The following ARHGAP15 variants were observed in gnomAD, a reference collection of about 807,000 sequenced individuals.
ARHGAP15 encodes Rho GTPase activating protein 15, also known as rho GTPase-activating protein 15.
In ARHGAP15, 51 loss-of-function variants were observed where a neutral mutation model predicts 63.7. The observed-to-expected ratio is 0.80, with a 90% confidence interval of 0.64 to 1.01. The LOEUF (loss-of-function observed/expected upper bound fraction) is 1.01. Among genes scored for constraint, ARHGAP15 ranks in the 50% least tolerant of loss-of-function variants. The pLI is 0.00. For missense variants in ARHGAP15, 560 were observed against 564.6 expected (o/e 0.99, Z 0.08); for synonymous variants, 191 against 193.8 (o/e 0.99, Z 0.12).
At chr2:143,727,388 A>G (rs1327435622) in intron 13 of ARHGAP15, among the ~76,000 whole-genome samples, 1 of 152,210 alleles carries the variant, frequency 6.6e-6, no homozygotes, top group Non-Finnish European at 1.5e-5. Context: ...TCGGCCATAT[A>G]TCACCTATAT....
intron 11 of ARHGAP15, among the ~76,000 whole-genome samples, chr2:143,558,328 C>T (rs756082266): frequency 6.6e-6 from 1 of 152,052 alleles, no homozygotes; most frequent in Admixed American, 6.6e-5. Flanking sequence ...TGGTAGATTT[C>T]TTCTTTTTCT....
intron 6 of ARHGAP15, among the ~76,000 whole-genome samples, chr2:143,416,007 CT>C (rs767962931): frequency 3.3e-5 from 5 of 151,942 alleles, no homozygotes; most frequent in Non-Finnish European, 5.9e-5. Flanking sequence ...GCATAAAAGA[CT>C]ACAAATCAGG....
At chr2:143,757,426 G>A (rs909745844) in intron 13 of ARHGAP15, among the ~76,000 whole-genome samples, 1 of 152,052 alleles carries the variant, frequency 6.6e-6, no homozygotes, top group Non-Finnish European at 1.5e-5. Flanking sequence ...CATGAGAGTC[G>A]CTTCAACTTG....
intron 6 of ARHGAP15, among the ~76,000 whole-genome samples, chr2:143,432,132 TTCTTTA>T (rs1413847241): frequency 2.6e-5 from 4 of 152,126 alleles, no homozygotes; most frequent in South Asian, 2.1e-4. Flanking sequence ...ATAATTTTGA[TTCTTTA>T]TCTTTATTTT....
At chr2:143,265,629 A>G (rs1197355390) in intron 6 of ARHGAP15, among the ~76,000 whole-genome samples, 1 of 152,200 alleles carries the variant, frequency 6.6e-6, no homozygotes. Flanking sequence ...AACTACACAT[A>G]GAAAGTGTTA....
chr2:143,204,201 C>G (rs1005322339), intron 3 of ARHGAP15, among the ~76,000 whole-genome samples: 2 of 152,126 alleles, frequency 1.3e-5, no homozygotes, highest in Admixed American at 1.3e-4. Context: ...CCTGTTTACC[C>G]ACTTTCGCTT....
intron 6 of ARHGAP15, among the ~76,000 whole-genome samples, chr2:143,390,910 G>A (rs867528627): frequency 4.6e-5 from 7 of 152,184 alleles, no homozygotes; most frequent in South Asian, 2.1e-4. Context: ...TTTTAAAGCC[G>A]TATTGATTGT....
At chr2:143,472,793 T>A (rs1691638809) in intron 8 of ARHGAP15, among the ~76,000 whole-genome samples, 1 of 152,176 alleles carries the variant, frequency 6.6e-6, no homozygotes, top group African/African-American at 2.4e-5. Flanking sequence ...TAGTATTTAA[T>A]CCTTGCAACA....
At chr2:143,420,740 A>C (rs973846232) in intron 6 of ARHGAP15, among the ~76,000 whole-genome samples, 1 of 152,158 alleles carries the variant, frequency 6.6e-6, no homozygotes, top group Non-Finnish European at 1.5e-5. Context: ...GCATAAAGGC[A>C]TGTGTTGATG....
intron 8 of ARHGAP15, among the ~76,000 whole-genome samples, chr2:143,455,603 G>C (rs1690609985): frequency 6.6e-6 from 1 of 152,070 alleles, no homozygotes; most frequent in African/African-American, 2.4e-5. Context: ...TCTCTAACAA[G>C]TTGATTTAAT....
At chr2:143,734,483 C>T (rs1574908327) in intron 13 of ARHGAP15, among the ~76,000 whole-genome samples, 1 of 152,104 alleles carries the variant, frequency 6.6e-6, no homozygotes, top group Non-Finnish European at 1.5e-5. Flanking sequence ...CTCATAAATC[C>T]CCCTTTGTTC....
At chr2:143,239,102 G>A (rs943693600) in intron 5 of ARHGAP15, among the ~76,000 whole-genome samples, 1 of 152,070 alleles carries the variant, frequency 6.6e-6, no homozygotes, top group African/African-American at 2.4e-5. Flanking sequence ...TTGGTGATGG[G>A]ATGATCTGTG....
chr2:143,515,183 A>AT (rs1693756777), intron 9 of ARHGAP15, among the ~76,000 whole-genome samples: 1 of 127,310 alleles, frequency 7.9e-6, no homozygotes, highest in African/African-American at 2.9e-5. Context: ...TCCCCACTAT[A>AT]TTAACCCCCC....
chr2:143,547,987 C>T (rs955129361), intron 10 of ARHGAP15, among the ~76,000 whole-genome samples: 4 of 151,980 alleles, frequency 2.6e-5, no homozygotes, highest in African/African-American at 9.7e-5. Flanking sequence ...TGTAGAACCA[C>T]TAAGAAAACC....
intron 2 of ARHGAP15, among the ~76,000 whole-genome samples, chr2:143,189,502 CTTTTT>C (rs771848951): frequency 7.1e-6 from 1 of 140,286 alleles, no homozygotes; most frequent in Admixed American, 7.1e-5. Context: ...TTCTTTCTTT[CTTTTT>C]TTTTTTTTTG....
intron 6 of ARHGAP15, 109 bp downstream of exon 6, chr2:143,250,709 C>G: frequency 1.2e-6 from 1 of 844,298 alleles, no homozygotes; most frequent in South Asian, 1.8e-5. Context: ...TACATGAACT[C>G]GTTGTCTGAA....
chr2:143,232,925 G>C (rs1693503896), intron 5 of ARHGAP15, among the ~76,000 whole-genome samples: 1 of 151,642 alleles, frequency 6.6e-6, no homozygotes, highest in Non-Finnish European at 1.5e-5. Context: ...CTACTAGTTT[G>C]GGAGGATACA....
chr2:143,656,973 G>GTGTGTGTGTGTGTGTGTGTGTGTGTGTA (rs1681476575), intron 12 of ARHGAP15, among the ~76,000 whole-genome samples: 2 of 146,852 alleles, frequency 1.4e-5, no homozygotes, highest in Non-Finnish European at 3.0e-5. Context: ...GTGTGTGTGT[G>GTGTGTGTGTGTGTGTGTGTGTGTGTGTA]TAGGAGTGAG....
At chr2:143,758,441 T>A (rs1686653688) in intron 13 of ARHGAP15, among the ~76,000 whole-genome samples, 1 of 151,952 alleles carries the variant, frequency 6.6e-6, no homozygotes, top group African/African-American at 2.4e-5. Context: ...TAGTACTTTT[T>A]TTTTCCCAAA....
Sources: allele counts gnomAD v4.1 joint callset (sites outside exome capture counted in the v4.1 genomes callset), GRCh38; gene constraint gnomAD v4.1.1; transcripts MANE v1.5; gene names NCBI Gene and HGNC (gene_info 2026-07-23, HGNC 2026-07-21).